Variants in TBC1D5 observed in about 807,000 individuals in gnomAD.
The protein encoded by TBC1D5 is TBC1 domain family member 5.
Under a neutral mutation model 100.3 loss-of-function variants are expected in TBC1D5, and 75 were observed. The ratio of observed to expected loss-of-function variants is 0.75; its 90% confidence interval spans 0.62 to 0.91. The LOEUF (loss-of-function observed/expected upper bound fraction) is 0.91, where lower values mean the gene tolerates loss of function less well. Among genes scored for constraint, TBC1D5 ranks in the 40% least tolerant of loss-of-function variants. TBC1D5 has a pLI of 0.00. For synonymous variants in TBC1D5, 323 were observed against 325.6 expected (o/e 0.99, Z 0.09); for missense variants, 910 against 942.4 (o/e 0.97, Z 0.45).
intron 2 of TBC1D5, among the ~76,000 whole-genome samples, chr3:17,618,843 C>A (rs919154418): frequency 6.6e-6 from 1 of 152,210 alleles, no homozygotes; most frequent in Non-Finnish European, 1.5e-5. Flanking sequence ...AAATCCTCGA[C>A]CCCTTGCACT....
chr3:17,594,550 T>C (rs148547671), intron 2 of TBC1D5, among the ~76,000 whole-genome samples: 94 of 152,382 alleles, frequency 6.2e-4, no homozygotes, highest in African/African-American at 2.1e-3. Context: ...GTAATTGTCA[T>C]GAATATTTCC....
chr3:17,387,711 T>A (rs1251714090), intron 8 of TBC1D5, among the ~76,000 whole-genome samples: 2 of 151,524 alleles, frequency 1.3e-5, no homozygotes, highest in Non-Finnish European at 2.9e-5. Flanking sequence ...AATTTGAACA[T>A]CAGTCTAACC....
At chr3:17,601,737 A>G (rs1363596322) in intron 2 of TBC1D5, among the ~76,000 whole-genome samples, 1 of 152,230 alleles carries the variant, frequency 6.6e-6, no homozygotes, top group Non-Finnish European at 1.5e-5. Flanking sequence ...CCACGTTATT[A>G]TTAACATTAT....
At chr3:17,503,691 C>T (rs1029066668) in intron 3 of TBC1D5, among the ~76,000 whole-genome samples, 2 of 149,732 alleles carry the variant, frequency 1.3e-5, no homozygotes, top group African/African-American at 2.5e-5. Flanking sequence ...ACTATCTACA[C>T]AAAATGTTCA....
chr3:17,396,355 T>C (rs1343978390), intron 8 of TBC1D5, among the ~76,000 whole-genome samples: 1 of 152,090 alleles, frequency 6.6e-6, no homozygotes, highest in African/African-American at 2.4e-5. Context: ...ACTGGGCAGA[T>C]TGTCGGCATT....
intron 17 of TBC1D5, among the ~76,000 whole-genome samples, chr3:17,225,439 C>CAAAAAAAAAAAAAAA (rs35631452): frequency 1.1e-5 from 1 of 88,338 alleles, no homozygotes; most frequent in African/African-American, 4.2e-5. Flanking sequence ...GACTCGGTCT[C>CAAAAAAAAAAAAAAA]AAAAAAAAAA....
chr3:17,346,963 T>C (rs766212258), intron 13 of TBC1D5, among the ~76,000 whole-genome samples: 2 of 152,226 alleles, frequency 1.3e-5, no homozygotes, highest in Non-Finnish European at 2.9e-5. Flanking sequence ...ATATGGACTT[T>C]CTATTGTGTT....
chr3:17,491,233 T>C (rs1260108196), intron 3 of TBC1D5, among the ~76,000 whole-genome samples: 1 of 152,218 alleles, frequency 6.6e-6, no homozygotes, highest in Non-Finnish European at 1.5e-5. Flanking sequence ...GTTTTCTAGA[T>C]ATAGGATCAT....
intron 16 of TBC1D5, among the ~76,000 whole-genome samples, chr3:17,256,376 C>A (rs1297322781): frequency 1.5e-5 from 2 of 135,312 alleles, no homozygotes; most frequent in East Asian, 5.0e-4. Flanking sequence ...ACAAGAATCT[C>A]AATGTGTTTA....
chr3:17,195,759 T>C (rs1408245490), intron 18 of TBC1D5, among the ~76,000 whole-genome samples: 3 of 151,276 alleles, frequency 2.0e-5, no homozygotes, highest in South Asian at 2.1e-4. Flanking sequence ...TCTTTCTTTT[T>C]TTTTTTTTTT....
intron 19 of TBC1D5, among the ~76,000 whole-genome samples, chr3:17,169,788 A>G (rs369370831): frequency 2.2e-4 from 34 of 152,368 alleles, no homozygotes; most frequent in African/African-American, 7.5e-4. Context: ...TTAGAGCAGC[A>G]GTCCCCAACC....
intron 1 of TBC1D5, among the ~76,000 whole-genome samples, chr3:17,709,381 GATAGACTAAAC>G (rs1183278233): frequency 3.9e-5 from 6 of 152,156 alleles, no homozygotes; most frequent in Non-Finnish European, 8.8e-5. Context: ...GAATCAAGAT[GATAGACTAAAC>G]ATACATTCTG....
chr3:17,511,258 T>A (rs1009862877), intron 2 of TBC1D5, among the ~76,000 whole-genome samples: 3 of 152,082 alleles, frequency 2.0e-5, no homozygotes, highest in Non-Finnish European at 4.4e-5. Context: ...GTAAGATTTA[T>A]ATTCTTCATA....
rs1358187208 is a variant in TBC1D5 at position 17,503,628 on chromosome 3, CA to C, written c.97+4845del. Among the ~76,000 whole-genome samples the C allele has an allele frequency of 5.3e-5, 8 of 149,716 alleles. No homozygotes were observed. In the East Asian group the frequency reaches 1.5e-3, roughly 29 times the overall value. ...TATCATATTTCATACAAAAAACAAA[CA>C]ATATTTGCTATATACCACGTTAGTA... On this transcript the variant is annotated intron_variant, in intron 3 of 21. Coordinates refer to ENST00000253692, the Ensembl canonical transcript of TBC1D5.
At chr3:17,490,153 A>G (rs899411884) in intron 3 of TBC1D5, among the ~76,000 whole-genome samples, 1 of 152,130 alleles carries the variant, frequency 6.6e-6, no homozygotes, top group Non-Finnish European at 1.5e-5. Flanking sequence ...TTCTATTGAG[A>G]AGGGTCTGTT....
intron 3 of TBC1D5, among the ~76,000 whole-genome samples, chr3:17,496,725 A>G (rs1481742902): frequency 6.6e-6 from 1 of 152,220 alleles, no homozygotes; most frequent in Non-Finnish European, 1.5e-5. Flanking sequence ...AACAACTCTC[A>G]GTAAATCAGG....
chr3:17,308,142 GAAACA>G lies in TBC1D5; in HGVS notation c.996-13_996-9del, dbSNP rs768415623. The G allele has an allele frequency of 1.3e-6, 2 of 1,563,320 alleles. No individual in the cohort carries two copies. Among genetic ancestry groups the G allele is most frequent in the Non-Finnish European group, 1.7e-6 (2 of 1,165,634 alleles). ...AGCAGCCGCACCCACCTTCTGGAAA[GAAACA>G]AAACAAAAATTCAGAAGACAGTACT... is the stretch of plus-strand genomic sequence containing the variant. On this transcript the variant is annotated splice_polypyrimidine_tract_variant and intron_variant, in intron 13 of 21. Coordinates refer to ENST00000253692, the Ensembl canonical transcript of TBC1D5.
chr3:17,292,034 T>C (rs1286818052), intron 14 of TBC1D5, 33 bp from the exon 15 acceptor site: 2 of 1,555,090 alleles, frequency 1.3e-6, no homozygotes, highest in African/African-American at 1.4e-5. Context: ...TCAGATGCAA[T>C]ACTATTTAAG....
rs1330856968 is a variant in TBC1D5 at position 17,690,202 on chromosome 3, A to ATTTT, written c.-101+49140_-101+49141insAAAA. Among the ~76,000 whole-genome samples the ATTTT allele has an allele frequency of 1.1e-4, 7 of 61,040 alleles. 2 individuals are homozygous for ATTTT. The highest frequency in any genetic ancestry group is 3.4e-4 in the African/African-American group (6 of 17,682). The allele number at this position is 61,040 out of a possible 152,430, so 40.0% of individuals were successfully genotyped here. A position where few individuals can be genotyped will look rare whatever the true frequency, so the allele number is the denominator to read the frequency against. ...AGAGAACTGAAGCATAAAAATAGCC[A>ATTTT]TATTTTTTTTTTTTTTTTTTTTTTT... On this transcript the variant is annotated intron_variant, in intron 1 of 21. Coordinates refer to ENST00000253692, the Ensembl canonical transcript of TBC1D5.
Sources: allele counts gnomAD v4.1 joint callset (sites outside exome capture counted in the v4.1 genomes callset), GRCh38; gene constraint gnomAD v4.1.1; transcripts MANE v1.5; gene names NCBI Gene and HGNC (gene_info 2026-07-23, HGNC 2026-07-21).